TUSC3: variants seen among roughly 807,000 people sequenced by gnomAD.
TUSC3 encodes dolichyl-diphosphooligosaccharide--protein glycosyltransferase subunit TUSC3.
TUSC3 carries 45 observed loss-of-function variants against 44.8 expected under a neutral mutation model. The ratio of observed to expected loss-of-function variants is 1.00; its 90% confidence interval spans 0.79 to 1.29. TUSC3 has a LOEUF of 1.29. Ranked by LOEUF, TUSC3 falls within the 50% of genes most tolerant of loss-of-function variation. TUSC3 has a pLI of 0.00. For missense variants in TUSC3, 519 were observed against 437.9 expected, an observed-to-expected ratio of 1.19 and a Z score of -1.65; for synonymous variants, 212 against 152.9, an observed-to-expected ratio of 1.39 and a Z score of -2.85.
At chr8:15,588,442 G>T (rs756941314) in intron 1 of TUSC3, among the ~76,000 whole-genome samples, 4 of 152,010 alleles carry the variant, frequency 2.6e-5, no homozygotes, top group African/African-American at 7.2e-5. Context: ...TCGAGTTCTT[G>T]TATATTCTGG....
At chr8:15,533,346 C>T (rs1351535762) in intron 2 of TUSC3, among the ~76,000 whole-genome samples, 2 of 152,180 alleles carry the variant, frequency 1.3e-5, no homozygotes, top group African/African-American at 4.8e-5. Flanking sequence ...AGTAAATCTG[C>T]ATTTTTACAT....
intron 1 of TUSC3, among the ~76,000 whole-genome samples, chr8:15,454,580 A>T (rs1800233359): frequency 6.6e-6 from 1 of 152,186 alleles, no homozygotes; most frequent in Non-Finnish European, 1.5e-5. Flanking sequence ...TTCCATCAGG[A>T]ACAGAAGTTT....
intron 1 of TUSC3, among the ~76,000 whole-genome samples, chr8:15,614,935 CA>C (rs3070906): frequency 0.44 from 58,017 of 132,994 alleles, 11,566 homozygotes; most frequent in African/African-American, 0.46. Flanking sequence ...TTAAAAAGAC[CA>C]AAAAAAAAAA....
At chr8:15,667,808 A>T (rs1301781518) in intron 5 of TUSC3, among the ~76,000 whole-genome samples, 3 of 151,746 alleles carry the variant, frequency 2.0e-5, no homozygotes, top group Non-Finnish European at 4.4e-5. Flanking sequence ...CCCAAACCAA[A>T]TCGCTTATGA....
At chr8:15,484,387 C>T (rs548759671) in intron 2 of TUSC3, among the ~76,000 whole-genome samples, 2 of 152,294 alleles carry the variant, frequency 1.3e-5, no homozygotes, top group African/African-American at 4.8e-5. Context: ...CATTTGTGCT[C>T]ATTTCGATTT....
At chr8:15,679,677 G>T (rs1239532931) in intron 6 of TUSC3, among the ~76,000 whole-genome samples, 1 of 152,118 alleles carries the variant, frequency 6.6e-6, no homozygotes, top group Non-Finnish European at 1.5e-5. Context: ...CTATGCCAGT[G>T]TCCAAAAGGA....
At chr8:15,664,104 T>A (rs569288309) in intron 5 of TUSC3, among the ~76,000 whole-genome samples, 12 of 151,922 alleles carry the variant, frequency 7.9e-5, no homozygotes, top group South Asian at 6.2e-4. Flanking sequence ...CTTTGGGGTA[T>A]GCTTCATAAC....
chr8:15,575,205 A>C (rs1803049205), intron 1 of TUSC3, among the ~76,000 whole-genome samples: 1 of 152,150 alleles, frequency 6.6e-6, no homozygotes, highest in African/African-American at 2.4e-5. Context: ...TTTGGAATTA[A>C]TAGGAATTAA....
chr8:15,798,495 G>A, the TUSC3 span, among the ~76,000 whole-genome samples: 2 of 152,120 alleles, frequency 1.3e-5, no homozygotes. Context: ...TGAGATCGGG[G>A]TAGAGAAAGA....
chr8:15,818,122 G>C, the TUSC3 span, among the ~76,000 whole-genome samples: 126 of 152,290 alleles, frequency 8.3e-4, no homozygotes, highest in African/African-American at 3.0e-3. Flanking sequence ...ATCTGAAGTG[G>C]AAATACTGAG....
intron 6 of TUSC3, among the ~76,000 whole-genome samples, chr8:15,690,684 TAAGG>T: frequency 6.6e-6 from 1 of 152,278 alleles, no homozygotes; most frequent in Middle Eastern, 3.4e-3. Context: ...ATGTATAGTG[TAAGG>T]AAGGGATCCA....
intron 2 of TUSC3, among the ~76,000 whole-genome samples, chr8:15,487,473 GAT>G (rs1347534201): frequency 6.6e-6 from 1 of 152,202 alleles, no homozygotes; most frequent in Non-Finnish European, 1.5e-5. Context: ...AAAGTTTTTA[GAT>G]GAGTTGAACA....
chr8:15,561,308 G>T (rs529538390), intron 1 of TUSC3, among the ~76,000 whole-genome samples: 21 of 148,016 alleles, frequency 1.4e-4, no homozygotes, highest in African/African-American at 4.9e-4. Flanking sequence ...CTCCCAGTTC[G>T]GCTGCTAGGA....
intron 3 of TUSC3, among the ~76,000 whole-genome samples, chr8:15,657,023 A>G (rs941684759): frequency 6.6e-6 from 1 of 152,138 alleles, no homozygotes; most frequent in Non-Finnish European, 1.5e-5. Context: ...GTGGCTCTGA[A>G]CAGTGAGCTT....
chr8:15,601,454 T>G (rs562243886), intron 1 of TUSC3, among the ~76,000 whole-genome samples: 1 of 151,790 alleles, frequency 6.6e-6, no homozygotes, highest in Non-Finnish European at 1.5e-5. Context: ...TCCCTTCTAG[T>G]GGCAAAGGCT....
intron 1 of TUSC3, 97 bp downstream of exon 1, chr8:15,540,665 C>A (rs572159871): frequency 4.6e-5 from 65 of 1,410,974 alleles, no homozygotes; most frequent in Non-Finnish European, 3.6e-5. Flanking sequence ...GCAGCCTGGT[C>A]GCCGGCGTGG....
At chr8:15,582,844 T>C (rs1803430520) in intron 1 of TUSC3, among the ~76,000 whole-genome samples, 1 of 152,232 alleles carries the variant, frequency 6.6e-6, no homozygotes. Context: ...TGACCTTTCT[T>C]TAAATATGAT....
chr8:15,593,165 A>T (rs1191667674), intron 1 of TUSC3, among the ~76,000 whole-genome samples: 1 of 152,124 alleles, frequency 6.6e-6, no homozygotes, highest in Non-Finnish European at 1.5e-5. Context: ...GGCTCACTGC[A>T]GCCTCCGCCT....
At chr8:15,448,834 T>C (rs1311872410) in intron 1 of TUSC3, among the ~76,000 whole-genome samples, 1 of 152,164 alleles carries the variant, frequency 6.6e-6, no homozygotes, top group Non-Finnish European at 1.5e-5. Flanking sequence ...GTCAACAGAC[T>C]CTATATATGA....
Sources: gnomAD v4.1 joint callset for allele counts (sites outside exome capture counted in the v4.1 genomes callset) on GRCh38, gnomAD v4.1.1 for gene constraint, MANE v1.5 for transcripts, NCBI Gene and HGNC (gene_info 2026-07-23, HGNC 2026-07-21) for gene names.